GALNTL6: variants seen among roughly 807,000 people sequenced by gnomAD.
GALNTL6 encodes the protein polypeptide N-acetylgalactosaminyltransferase-like 6.
A neutral mutation model predicts 73.7 loss-of-function variants in GALNTL6; 46 were observed. That is an observed-to-expected ratio of 0.62 (90% CI 0.49 to 0.80). The LOEUF is 0.80. GALNTL6 is among the 30% of genes least tolerant of loss of function. The probability of loss-of-function intolerance (pLI) is 0.00; values close to 1 mark genes in which losing one functional copy is unlikely to be tolerated. For synonymous variants in GALNTL6, 259 were observed against 263.7 expected, an observed-to-expected ratio of 0.98 and a Z score of 0.17; for missense variants, 604 against 755.0, an observed-to-expected ratio of 0.80 and a Z score of 2.34.
At chr4:171,974,079 A>T (rs1739647877) in intron 2 of GALNTL6, among the ~76,000 whole-genome samples, 1 of 152,068 alleles carries the variant, frequency 6.6e-6, no homozygotes. Flanking sequence ...AGCTCACTGC[A>T]TTCTCTACCT....
chr4:171,891,642 T>C (rs1303107180), intron 2 of GALNTL6, among the ~76,000 whole-genome samples: 1 of 152,200 alleles, frequency 6.6e-6, no homozygotes, highest in East Asian at 1.9e-4. Context: ...GTTCATTTTG[T>C]GCTGTAGTGA....
intron 2 of GALNTL6, among the ~76,000 whole-genome samples, chr4:172,162,632 G>A (rs933795673): frequency 6.6e-6 from 1 of 151,882 alleles, no homozygotes; most frequent in Non-Finnish European, 1.5e-5. Context: ...AAGATCACAA[G>A]GCAGAAAGAT....
chr4:171,951,889 T>C (rs1407987113), intron 2 of GALNTL6, among the ~76,000 whole-genome samples: 1 of 152,020 alleles, frequency 6.6e-6, no homozygotes, highest in South Asian at 2.1e-4. Context: ...TAACCTGAAC[T>C]CTTACAGAAA....
intron 5 of GALNTL6, among the ~76,000 whole-genome samples, chr4:172,357,061 G>A (rs904325836): frequency 1.3e-5 from 2 of 152,030 alleles, no homozygotes; most frequent in Non-Finnish European, 2.9e-5. Context: ...TATTGAAATA[G>A]AGGATTCATG....
intron 5 of GALNTL6, among the ~76,000 whole-genome samples, chr4:172,739,211 G>T (rs1321715842): frequency 6.6e-6 from 1 of 152,174 alleles, no homozygotes; most frequent in Non-Finnish European, 1.5e-5. Flanking sequence ...ACATGTACTG[G>T]AATAATATGT....
At chr4:171,820,189 A>G (rs1003264228) in intron 2 of GALNTL6, among the ~76,000 whole-genome samples, 6 of 152,198 alleles carry the variant, frequency 3.9e-5, no homozygotes. Flanking sequence ...AGCATTCACA[A>G]AACTTCAAGG....
intron 5 of GALNTL6, among the ~76,000 whole-genome samples, chr4:172,502,647 C>G (rs754967115): frequency 3.3e-5 from 5 of 152,142 alleles, no homozygotes; most frequent in Non-Finnish European, 7.4e-5. Flanking sequence ...TTTTAAGCAC[C>G]ATGACTTTCC....
At chr4:172,322,623 G>A (rs1407345598) in intron 4 of GALNTL6, among the ~76,000 whole-genome samples, 1 of 152,078 alleles carries the variant, frequency 6.6e-6, no homozygotes, top group Non-Finnish European at 1.5e-5. Flanking sequence ...CTTCATGGTA[G>A]AGCAGGAGAG....
chr4:172,768,383 G>A (rs564239122), intron 5 of GALNTL6, among the ~76,000 whole-genome samples: 4 of 152,200 alleles, frequency 2.6e-5, no homozygotes, highest in South Asian at 2.1e-4. Flanking sequence ...GTCCCCAAAC[G>A]CTGGTGGGAA....
chr4:172,723,991 T>C (rs1317900050), intron 5 of GALNTL6, among the ~76,000 whole-genome samples: 1 of 152,178 alleles, frequency 6.6e-6, no homozygotes, highest in African/African-American at 2.4e-5. Context: ...TGAGGCTTTC[T>C]CAGCAAAGCT....
chr4:171,837,287 G>A (rs1424822860), intron 2 of GALNTL6, among the ~76,000 whole-genome samples: 2 of 151,992 alleles, frequency 1.3e-5, no homozygotes, highest in African/African-American at 4.8e-5. Context: ...GAAAAATCTA[G>A]GACGTAATCC....
At chr4:172,423,365 G>T (rs553588391) in intron 5 of GALNTL6, among the ~76,000 whole-genome samples, 3 of 151,960 alleles carry the variant, frequency 2.0e-5, no homozygotes, top group African/African-American at 7.2e-5. Context: ...TACCTAATTT[G>T]CCCCCTTTTT....
At chr4:172,350,717 A>G (rs1008738649) in intron 5 of GALNTL6, among the ~76,000 whole-genome samples, 1 of 152,194 alleles carries the variant, frequency 6.6e-6, no homozygotes, top group Admixed American at 6.5e-5. Flanking sequence ...CTTTTATAAT[A>G]CATCATAATT....
chr4:172,231,423 G>A (rs889790604), intron 3 of GALNTL6, among the ~76,000 whole-genome samples: 1 of 152,118 alleles, frequency 6.6e-6, no homozygotes, highest in Non-Finnish European at 1.5e-5. Context: ...GTAAAATTGA[G>A]TTCCTACAAA....
chr4:171,834,888 A>C (rs998798334), intron 2 of GALNTL6, among the ~76,000 whole-genome samples: 1 of 152,010 alleles, frequency 6.6e-6, no homozygotes, highest in African/African-American at 2.4e-5. Context: ...TTTCCCCTAG[A>C]CTGTGGAAAT....
intron 5 of GALNTL6, among the ~76,000 whole-genome samples, chr4:172,678,204 G>A (rs1333914070): frequency 2.0e-5 from 3 of 152,208 alleles, no homozygotes; most frequent in African/African-American, 7.2e-5. Context: ...GTTTTCCAGG[G>A]TAGTCCACCC....
At chr4:172,620,681 A>G (rs1025973583) in intron 5 of GALNTL6, among the ~76,000 whole-genome samples, 2 of 152,204 alleles carry the variant, frequency 1.3e-5, no homozygotes, top group Non-Finnish European at 2.9e-5. Context: ...CATTTGTTAC[A>G]TAATGGCACC....
chr4:171,814,752 T>C, intron 2 of GALNTL6, 34 bp downstream of exon 2: 2 of 1,609,100 alleles, frequency 1.2e-6, no homozygotes, highest in Non-Finnish European at 1.7e-6. Flanking sequence ...CACACAAGGA[T>C]TGGTAAGGCA....
chr4:172,403,263 G>A (rs950567799), intron 5 of GALNTL6, among the ~76,000 whole-genome samples: 6 of 151,822 alleles, frequency 4.0e-5, no homozygotes, highest in African/African-American at 1.5e-4. Flanking sequence ...TTTTGTCCCA[G>A]CTCAATATTT....
Sources: allele counts gnomAD v4.1 joint callset (sites outside exome capture counted in the v4.1 genomes callset), GRCh38; gene constraint gnomAD v4.1.1; transcripts MANE v1.5; gene names NCBI Gene and HGNC (gene_info 2026-07-23, HGNC 2026-07-21).